Variants in GCNT2 observed in about 807,000 individuals in gnomAD.
GCNT2 encodes glucosaminyl (N-acetyl) transferase 2 (I blood group).
A neutral mutation model predicts 34.2 loss-of-function variants in GCNT2; 34 were observed. The observed-to-expected ratio is 1.00, with a 90% CI of 0.76 to 1.32. The LOEUF (loss-of-function observed/expected upper bound fraction) is 1.32, where lower values mean the gene tolerates loss of function less well. GCNT2 is among the 40% of genes most tolerant of loss of function. The pLI is 0.00. For missense variants in GCNT2, 584 were observed against 489.4 expected (o/e 1.19, Z -1.82); for synonymous variants, 212 against 188.0 (o/e 1.13, Z -1.04).
intron 3 of GCNT2, among the ~76,000 whole-genome samples, chr6:10,563,777 A>AATATATATATATATAT (rs70991026): frequency 2.8e-4 from 7 of 24,710 alleles, no homozygotes; most frequent in Non-Finnish European, 3.8e-4. Context: ...AAAAAAAAAA[A>AATATATATATATATAT]ATATATATAT....
intron 3 of GCNT2, among the ~76,000 whole-genome samples, chr6:10,542,999 C>T (rs1326121671): frequency 6.6e-6 from 1 of 150,840 alleles, no homozygotes; most frequent in Non-Finnish European, 1.5e-5. Context: ...CCTCCACCTC[C>T]CGGGTTCAAG....
rs1364164547 is a variant in GCNT2 at position 10,527,522 on chromosome 6, TG to T, written c.-418del. ...GAGGAATACATGAGCTCGGCGCCAA[TG>T]GAACATGCTTTCACACCGGGTGCAG... On this transcript the variant is annotated 5_prime_UTR_variant, in exon 2 of 5. An upstream open reading frame in the 5' UTR gains an earlier in-frame stop. Coordinates refer to ENST00000495262, the MANE Select transcript of GCNT2 (RefSeq NM_145649.5). 5 of 152,360 alleles carry T rather than the reference TG, an allele frequency of 3.3e-5. No individual in the cohort carries two copies. The South Asian group carries it at 1.0e-3, about 32-fold the overall frequency. The allele number at this position is 152,360 out of a possible 1,614,324, so 9.4% of individuals were successfully genotyped here. A position where few individuals can be genotyped will look rare whatever the true frequency, so the allele number is the denominator to read the frequency against.
At chr6:10,562,907 G>T (rs1053830528) in intron 3 of GCNT2, among the ~76,000 whole-genome samples, 3 of 152,006 alleles carry the variant, frequency 2.0e-5, no homozygotes, top group Non-Finnish European at 2.9e-5. Flanking sequence ...TTGTTAACAA[G>T]CAGCACTTTG....
At chr6:10,554,000 C>T (rs1460853258) in intron 3 of GCNT2, among the ~76,000 whole-genome samples, 1 of 152,190 alleles carries the variant, frequency 6.6e-6, no homozygotes, top group Non-Finnish European at 1.5e-5. Flanking sequence ...GTTAACATGT[C>T]TAGCCTGATT....
chr6:10,546,097 G>A (rs1762251596), intron 3 of GCNT2, among the ~76,000 whole-genome samples: 1 of 152,118 alleles, frequency 6.6e-6, no homozygotes, highest in African/African-American at 2.4e-5. Flanking sequence ...GAGCTTCCCT[G>A]CCATGTCTGT....
At chr6:10,548,765 CTT>C (rs55678541) in intron 3 of GCNT2, among the ~76,000 whole-genome samples, 7 of 145,612 alleles carry the variant, frequency 4.8e-5, no homozygotes, top group Non-Finnish European at 6.1e-5. Context: ...ATTTGGAGAC[CTT>C]TTTTTTTTTT....
At chr6:10,563,777 A>AAAAATATAT (rs1554130891) in intron 3 of GCNT2, among the ~76,000 whole-genome samples, 2 of 24,708 alleles carry the variant, frequency 8.1e-5, no homozygotes, top group African/African-American at 2.6e-4. Context: ...AAAAAAAAAA[A>AAAAATATAT]ATATATATAT....
intron 3 of GCNT2, among the ~76,000 whole-genome samples, chr6:10,591,875 G>C (rs1259308470): frequency 2.0e-5 from 3 of 152,206 alleles, no homozygotes; most frequent in Non-Finnish European, 4.4e-5. Context: ...CTATTTAGAA[G>C]GTATATGTTC....
At chr6:10,572,899 T>A (rs1763615759) in intron 3 of GCNT2, among the ~76,000 whole-genome samples, 1 of 152,168 alleles carries the variant, frequency 6.6e-6, no homozygotes, top group East Asian at 1.9e-4. Flanking sequence ...TGATTTAATT[T>A]CTAGGAAAGC....
Position 10,606,485 on chromosome 6 carries a change from G to A in GCNT2, c.926-14866G>A, listed in dbSNP as rs187149103. On this transcript the variant is annotated intron_variant, in intron 3 of 4. Transcript: ENST00000495262. ...CATTTGTGACCATCTTTTGCAGCCT[G>A]CCACAACAAATCAAAATATATCCTT... Among the ~76,000 whole-genome samples, 1,237 of 148,780 alleles carry A rather than the reference G, an allele frequency of 8.3e-3. 8 individuals carry two copies. The highest frequency in any genetic ancestry group is 0.055 in the Middle Eastern group (16 of 292).
In GCNT2 at chr6:10,529,581, C is replaced by G; in HGVS notation, c.670C>G (p.His224Asp). Reference sequence around the variant, plus strand: ...CACCCCCGGAGTGCTGCCTCCTGACCACGCTGTTGGACGGACTAAATACGT... The same window carrying G: ...CACCCCCGGAGTGCTGCCTCCTGACGACGCTGTTGGACGGACTAAATACGT... Reference protein sequence around the residue: ...NITPGVLPPDHAVGRTKYVHQ... With the variant: ...NITPGVLPPDDAVGRTKYVHQ... Residue 224 changes from histidine to aspartate, a missense_variant, in exon 3 of 5, where the codon CAC (histidine) becomes GAC (aspartate). Transcript: ENST00000495262. 2 of 1,614,110 alleles carry G rather than the reference C, an allele frequency of 1.2e-6. No individual in the cohort carries two copies. Among genetic ancestry groups the G allele is most frequent in the Non-Finnish European group, 1.7e-6 (2 of 1,179,960 alleles).
chr6:10,528,782 G>T lies in GCNT2; in HGVS notation c.-130G>T. On this transcript the variant is annotated 5_prime_UTR_variant, in exon 3 of 5. In the 5' UTR this introduces an upstream ATG that the reference lacks. Coordinates refer to ENST00000495262, the MANE Select transcript of GCNT2 (RefSeq NM_145649.5). ...ACCAGAACCGTGAACTGAAGGGACA[G>T]GGAACAGCCAGACGAGAGCTTCAGC... 1 of 773,844 alleles carries T rather than the reference G, an allele frequency of 1.3e-6. No individual in the cohort carries two copies. The allele number at this position is 773,844 out of a possible 1,614,324, so 47.9% of individuals were successfully genotyped here.
chr6:10,629,199 G>C lies in GCNT2; in HGVS notation c.*2592G>C, dbSNP rs1043046171. 1.3e-5 allele frequency: 2 copies of C among 152,534 alleles called. No individual in the cohort carries two copies. Among genetic ancestry groups the C allele is most frequent in the South Asian group, 2.1e-4 (1 of 4,824 alleles). 9.4% of individuals were successfully genotyped at this position (152,534 alleles called of 1,614,324 possible). On this transcript the variant is annotated 3_prime_UTR_variant, in exon 5 of 5. Coordinates refer to ENST00000495262, the MANE Select transcript of GCNT2 (RefSeq NM_145649.5). ...AATTGATGTTTACATGTCTGTTGTT[G>C]GTCATCTCTCCTGTGTCTTAAATAC...
At chr6:10,555,203 GGTTAA>G (rs1762641290) in intron 3 of GCNT2, among the ~76,000 whole-genome samples, 1 of 152,060 alleles carries the variant, frequency 6.6e-6, no homozygotes, top group Non-Finnish European at 1.5e-5. Flanking sequence ...GGCAGTCAAT[GGTTAA>G]GTTGGTGTTT....
At chr6:10,576,267 T>C (rs1763806134) in intron 3 of GCNT2, among the ~76,000 whole-genome samples, 1 of 152,212 alleles carries the variant, frequency 6.6e-6, no homozygotes, top group African/African-American at 2.4e-5. Flanking sequence ...GAAGGTTTTA[T>C]TAGGACACAG....
chr6:10,603,137 G>C (rs1371006013), intron 3 of GCNT2, among the ~76,000 whole-genome samples: 2 of 152,192 alleles, frequency 1.3e-5, no homozygotes, highest in Non-Finnish European at 2.9e-5. Context: ...TAAAGAGGCA[G>C]TTTTTGAACT....
In GCNT2 at chr6:10,555,974, C is replaced by T. The variant is rs778215474; in HGVS notation, c.925+26138C>T. On this transcript the variant is annotated intron_variant, in intron 3 of 4. Transcript: ENST00000495262. The stretch of plus-strand genomic sequence containing the variant: ...AGGGGACTAGCAGGAAGCGGCACGC[C>T]TGCCAGAGCTCATCACTTCAACTCT... 178 of 1,035,728 alleles carry T rather than the reference C, an allele frequency of 1.7e-4. No homozygotes were observed. Among genetic ancestry groups the T allele is most frequent in the Non-Finnish European group, 1.9e-4 (161 of 861,018 alleles). 64.2% of individuals were successfully genotyped at this position (1,035,728 alleles called of 1,614,324 possible).
At chr6:10,579,708 C>T (rs998934284) in intron 3 of GCNT2, among the ~76,000 whole-genome samples, 3 of 150,416 alleles carry the variant, frequency 2.0e-5, no homozygotes, top group South Asian at 2.1e-4. Context: ...CCCAGCTACT[C>T]GGGAGGTTGA....
chr6:10,561,694 A>C (rs1428753331), intron 3 of GCNT2, among the ~76,000 whole-genome samples: 1 of 152,144 alleles, frequency 6.6e-6, no homozygotes, highest in African/African-American at 2.4e-5. Context: ...CCCTCGCTGC[A>C]CTAAGTGTGC....
Sources: gnomAD v4.1 joint callset for allele counts (sites outside exome capture counted in the v4.1 genomes callset) on GRCh38, gnomAD v4.1.1 for gene constraint, MANE v1.5 for transcripts, NCBI Gene and HGNC (gene_info 2026-07-23, HGNC 2026-07-21) for gene names.